Variants in NRXN3 observed in about 807,000 individuals in gnomAD.
NRXN3 encodes the protein neurexin III.
NRXN3 carries 32 observed loss-of-function variants against 137.6 expected under a neutral mutation model. The ratio of observed to expected loss-of-function variants is 0.23; its 90% CI spans 0.18 to 0.31. The LOEUF is 0.31. Among genes scored for constraint, NRXN3 ranks in the 10% least tolerant of loss-of-function variants. NRXN3 has a pLI of 1.00. For missense variants in NRXN3, 1,574 were observed against 2,062.5 expected (o/e 0.76, Z 4.59); for synonymous variants, 798 against 784.5 (o/e 1.02, Z -0.29).
intron 16 of NRXN3, among the ~76,000 whole-genome samples, chr14:79,499,326 G>A (rs2153669342): frequency 6.6e-6 from 1 of 152,076 alleles, no homozygotes; most frequent in East Asian, 1.9e-4. Flanking sequence ...TCTCTGTCTG[G>A]GAGACTTCTT....
chr14:78,815,241 T>C (rs552534150), intron 10 of NRXN3, among the ~76,000 whole-genome samples: 2 of 152,310 alleles, frequency 1.3e-5, no homozygotes, highest in African/African-American at 4.8e-5. Flanking sequence ...CAAAAATATA[T>C]TGACCTTAAG....
intron 4 of NRXN3, among the ~76,000 whole-genome samples, chr14:78,368,904 G>C (rs1351003058): frequency 6.6e-6 from 1 of 152,150 alleles, no homozygotes; most frequent in Non-Finnish European, 1.5e-5. Flanking sequence ...TGAGAGGCAG[G>C]GTTGCCGAGT....
intron 4 of NRXN3, among the ~76,000 whole-genome samples, chr14:78,620,042 C>T: frequency 6.6e-6 from 1 of 152,250 alleles, no homozygotes; most frequent in East Asian, 1.9e-4. Flanking sequence ...GTCACCCAGT[C>T]TATGGTATTT....
chr14:78,928,441 C>T (rs2099312188), intron 10 of NRXN3, among the ~76,000 whole-genome samples: 1 of 152,058 alleles, frequency 6.6e-6, no homozygotes, highest in African/African-American at 2.4e-5. Context: ...CTAATTCTAT[C>T]CCTCCCCCTT....
At chr14:79,430,578 A>G (rs1486970078) in intron 15 of NRXN3, among the ~76,000 whole-genome samples, 3 of 152,038 alleles carry the variant, frequency 2.0e-5, no homozygotes, top group Non-Finnish European at 4.4e-5. Flanking sequence ...CTCTTTCTTC[A>G]CTGTTCTGAT....
At chr14:79,831,383 C>G (rs1463793696) in intron 20 of NRXN3, among the ~76,000 whole-genome samples, 2 of 152,174 alleles carry the variant, frequency 1.3e-5, no homozygotes, top group African/African-American at 4.8e-5. Context: ...GCATTTCACA[C>G]ATGCAAGATG....
At chr14:79,099,255 G>A (rs1215309039) in intron 15 of NRXN3, among the ~76,000 whole-genome samples, 1 of 152,122 alleles carries the variant, frequency 6.6e-6, no homozygotes, top group East Asian at 1.9e-4. Flanking sequence ...TATTTTTTGA[G>A]TAACTGTCAT....
chr14:78,175,415 CTCA>C (rs1299874069), intron 1 of NRXN3, among the ~76,000 whole-genome samples: 1 of 152,166 alleles, frequency 6.6e-6, no homozygotes, highest in Non-Finnish European at 1.5e-5. Flanking sequence ...TACATGACCC[CTCA>C]GGTGTGGATA....
intron 19 of NRXN3, among the ~76,000 whole-genome samples, chr14:79,737,722 C>CTTTCT (rs1555677452): frequency 6.0e-5 from 9 of 150,862 alleles, no homozygotes; most frequent in African/African-American, 2.2e-4. Flanking sequence ...GCATTCTTTT[C>CTTTCT]TTTCTTTCTT....
intron 15 of NRXN3, among the ~76,000 whole-genome samples, chr14:79,094,789 C>T (rs1448034991): frequency 6.6e-6 from 1 of 151,758 alleles, no homozygotes; most frequent in East Asian, 1.9e-4. Context: ...CTCCAGCAAG[C>T]CTTACTGAAT....
At chr14:78,176,149 TC>T (rs1288765506) in intron 1 of NRXN3, among the ~76,000 whole-genome samples, 1 of 152,194 alleles carries the variant, frequency 6.6e-6, no homozygotes, top group Non-Finnish European at 1.5e-5. Flanking sequence ...CCTCTGGTTG[TC>T]TTAGCCCTGC....
chr14:79,720,670 G>C lies in NRXN3; in HGVS notation c.4014+22733G>C, dbSNP rs2098841495. 2.0e-5 allele frequency among the ~76,000 whole-genome samples: 3 copies of C among 152,040 alleles called. No individual in the cohort carries two copies. In the South Asian group the frequency reaches 6.3e-4, roughly 32 times the overall value. ...TTCCCTACCACTGAGATACTTCAAG[G>C]AGATATGAGTGGATCATGAATAAAT... is the stretch of plus-strand genomic sequence containing the variant. On this transcript the variant is annotated intron_variant, in intron 19 of 20. Transcript: ENST00000335750.
intron 4 of NRXN3, among the ~76,000 whole-genome samples, chr14:78,369,911 A>G (rs2086549063): frequency 1.4e-5 from 2 of 142,332 alleles, no homozygotes; most frequent in South Asian, 2.4e-4. Context: ...GAGGGATTCT[A>G]TATACTCATT....
intron 14 of NRXN3, among the ~76,000 whole-genome samples, chr14:78,983,569 A>T (rs77205023): frequency 6.6e-6 from 1 of 152,136 alleles, no homozygotes; most frequent in East Asian, 1.9e-4. Flanking sequence ...CTTAAAAAAA[A>T]GTGGGAAGGC....
At chr14:78,529,568 C>T (rs2096431791) in intron 4 of NRXN3, among the ~76,000 whole-genome samples, 1 of 152,198 alleles carries the variant, frequency 6.6e-6, no homozygotes, top group Non-Finnish European at 1.5e-5. Context: ...CATAGAACCT[C>T]CTTGATTCTA....
intron 4 of NRXN3, among the ~76,000 whole-genome samples, chr14:78,479,249 G>A (rs940575740): frequency 6.6e-6 from 1 of 152,108 alleles, no homozygotes; most frequent in Non-Finnish European, 1.5e-5. Flanking sequence ...TGGGCATTGG[G>A]GTTTCTAAAG....
At chr14:79,302,908 A>C (rs927533762) in intron 15 of NRXN3, among the ~76,000 whole-genome samples, 2 of 151,858 alleles carry the variant, frequency 1.3e-5, no homozygotes, top group African/African-American at 2.4e-5. Flanking sequence ...CACACAGACC[A>C]CCAAGCCATT....
At chr14:79,116,769 C>T (rs1312860892) in intron 15 of NRXN3, among the ~76,000 whole-genome samples, 2 of 152,134 alleles carry the variant, frequency 1.3e-5, no homozygotes, top group Non-Finnish European at 2.9e-5. Flanking sequence ...ACTTCATTTC[C>T]ACCCCAACAT....
intron 4 of NRXN3, among the ~76,000 whole-genome samples, chr14:78,311,428 A>G (rs1158811322): frequency 6.6e-6 from 1 of 152,202 alleles, no homozygotes; most frequent in African/African-American, 2.4e-5. Context: ...TTCCTTTAGA[A>G]CAAGTTCATC....
Sources: allele counts gnomAD v4.1 joint callset (sites outside exome capture counted in the v4.1 genomes callset), GRCh38; gene constraint gnomAD v4.1.1; transcripts MANE v1.5; gene names NCBI Gene and HGNC (gene_info 2026-07-23, HGNC 2026-07-21).